DOCK5: variants seen among roughly 807,000 people sequenced by gnomAD.
DOCK5 encodes dedicator of cytokinesis 5.
A neutral mutation model predicts 251.8 loss-of-function variants in DOCK5; 142 were observed. The observed-to-expected ratio is 0.56, with a 90% confidence interval of 0.49 to 0.65. DOCK5 has a LOEUF of 0.65. Ranked by LOEUF, DOCK5 falls within the 30% of genes least tolerant of loss-of-function variation. The pLI is 0.00. For missense variants in DOCK5, 2,111 were observed against 2,312.3 expected (o/e 0.91, Z 1.79); for synonymous variants, 842 against 835.5 (o/e 1.01, Z -0.13).
chr8:25,298,934 C>G lies in DOCK5; in HGVS notation c.607-10C>G, dbSNP rs1384074472. 6.3e-7 allele frequency: 1 copy of G among 1,596,714 alleles called. No individual in the cohort carries two copies. Among genetic ancestry groups the G allele is most frequent in the Non-Finnish European group, 8.5e-7 (1 of 1,173,784 alleles). ...ATCAAGATGTTTTTCTCTGTTCCCT[C>G]TTTGTTCAGTCAATCCTGCAGAACC... On this transcript the variant is annotated splice_polypyrimidine_tract_variant and intron_variant, in intron 7 of 51. Transcript: ENST00000276440.
intron 1 of DOCK5, among the ~76,000 whole-genome samples, chr8:25,187,574 A>ATTG (rs57343593): frequency 0.09 from 13,677 of 151,672 alleles, 1,016 homozygotes; most frequent in African/African-American, 0.19. Context: ...GCTAAAACTC[A>ATTG]TTGTTTTTGT....
chr8:25,368,172 G>C lies in DOCK5; in HGVS notation c.3225-20G>C, dbSNP rs764230537. On this transcript the variant is annotated intron_variant, in intron 31 of 51. Transcript: ENST00000276440. ...ATTTCTACTGAAAATCCTCCTTCTA[G>C]TTTATGATCTTCTTCCTAGATATGG... The C allele has an allele frequency of 3.2e-5, 52 of 1,600,828 alleles. No homozygotes were observed. The highest frequency in any genetic ancestry group is 8.4e-5 in the Admixed American group (5 of 59,206).
At chr8:25,406,109 C>G (rs1801518035) in intron 48 of DOCK5, among the ~76,000 whole-genome samples, 1 of 152,102 alleles carries the variant, frequency 6.6e-6, no homozygotes, top group South Asian at 2.1e-4. Context: ...CAGGCGCCCG[C>G]CACCATGCCC....
At chr8:25,239,331 GTGTGTGTGTA>G (rs1228659699) in intron 1 of DOCK5, among the ~76,000 whole-genome samples, 197 of 129,850 alleles carry the variant, frequency 1.5e-3, no homozygotes, top group African/African-American at 6.3e-3. Context: ...GTGTGTGTGT[GTGTGTGTGTA>G]TGTGTGTGTG....
chr8:25,274,612 C>T (rs1035072464), intron 3 of DOCK5, among the ~76,000 whole-genome samples: 1 of 152,120 alleles, frequency 6.6e-6, no homozygotes, highest in East Asian at 1.9e-4. Context: ...TGTAGAACTG[C>T]CTCTTAGGGA....
intron 5 of DOCK5, among the ~76,000 whole-genome samples, chr8:25,291,301 G>C (rs1401305023): frequency 6.6e-6 from 1 of 152,064 alleles, no homozygotes. Flanking sequence ...GAAATGGCTC[G>C]GGAGAAAGCC....
At chr8:25,409,958 T>C in intron 50 of DOCK5, 141 bp from the exon 51 acceptor site, 1 of 673,936 alleles carries the variant, frequency 1.5e-6, no homozygotes, top group South Asian at 2.0e-5. Flanking sequence ...GTCTTCTTCG[T>C]TCTATCCGCA....
intron 1 of DOCK5, among the ~76,000 whole-genome samples, chr8:25,225,398 T>C (rs543363533): frequency 1.3e-5 from 2 of 152,172 alleles, no homozygotes; most frequent in East Asian, 3.9e-4. Context: ...TACAAAGGAA[T>C]ATTATTCAGC....
intron 1 of DOCK5, among the ~76,000 whole-genome samples, chr8:25,204,213 C>T (rs931054072): frequency 2.0e-5 from 3 of 151,936 alleles, no homozygotes; most frequent in Non-Finnish European, 2.9e-5. Flanking sequence ...ACTTCATAGT[C>T]GATACAACAT....
At chr8:25,354,049 CAAACAAAAAAAAAA>C (rs1563213072) in intron 27 of DOCK5, among the ~76,000 whole-genome samples, 1 of 23,248 alleles carries the variant, frequency 4.3e-5, no homozygotes, top group African/African-American at 1.7e-4. Flanking sequence ...AAAAAAAAAA[CAAACAAAAAAAAAA>C]ACGTAGGAGA....
intron 13 of DOCK5, among the ~76,000 whole-genome samples, chr8:25,312,478 T>C (rs1288515247): frequency 2.6e-5 from 4 of 152,250 alleles, no homozygotes; most frequent in South Asian, 2.1e-4. Context: ...TCATCTAGAA[T>C]ACGGCCAGGC....
At chr8:25,379,536 C>G (rs1801026916) in intron 38 of DOCK5, among the ~76,000 whole-genome samples, 1 of 152,104 alleles carries the variant, frequency 6.6e-6, no homozygotes, top group Non-Finnish European at 1.5e-5. Flanking sequence ...TCAAGGTGCA[C>G]TGATTTCATA....
chr8:25,339,557 G>A (rs780338156), intron 22 of DOCK5, among the ~76,000 whole-genome samples: 13 of 152,182 alleles, frequency 8.5e-5, no homozygotes, highest in Non-Finnish European at 1.5e-4. Flanking sequence ...TGGAGGAGGA[G>A]GTGGTATCAT....
chr8:25,340,845 A>G (rs1354730379), intron 22 of DOCK5, 32 bp from the exon 23 acceptor site: 2 of 1,576,258 alleles, frequency 1.3e-6, no homozygotes, highest in South Asian at 2.3e-5. Flanking sequence ...AACAATGGAA[A>G]GTCCAACTGC....
intron 41 of DOCK5, 66 bp downstream of exon 41, chr8:25,389,298 G>A: frequency 6.4e-7 from 1 of 1,557,908 alleles, no homozygotes; most frequent in Non-Finnish European, 8.7e-7. Flanking sequence ...AGCTAAGCCA[G>A]AGAACATAGG....
intron 1 of DOCK5, among the ~76,000 whole-genome samples, chr8:25,237,111 A>T (rs1208340785): frequency 6.6e-6 from 1 of 152,170 alleles, no homozygotes; most frequent in Non-Finnish European, 1.5e-5. Flanking sequence ...CCATGCCTGT[A>T]ATCTGAGCAC....
intron 3 of DOCK5, among the ~76,000 whole-genome samples, chr8:25,269,595 C>T (rs1803851864): frequency 6.6e-6 from 1 of 152,128 alleles, no homozygotes; most frequent in African/African-American, 2.4e-5. Context: ...GTTCCTTTTG[C>T]CAGTGCCAAA....
chr8:25,381,900 A>T (rs1801074293), intron 39 of DOCK5, among the ~76,000 whole-genome samples: 1 of 152,194 alleles, frequency 6.6e-6, no homozygotes, highest in Non-Finnish European at 1.5e-5. Flanking sequence ...ATGGTAGCAG[A>T]TACTGAAAAA....
At chr8:25,374,778 T>A (rs1800935310) in intron 37 of DOCK5, 124 bp downstream of exon 37, 1 of 1,585,386 alleles carries the variant, frequency 6.3e-7, no homozygotes, top group Non-Finnish European at 8.6e-7. Flanking sequence ...TTATACAAGT[T>A]TTTTTAGTTC....
Sources: allele counts gnomAD v4.1 joint callset (sites outside exome capture counted in the v4.1 genomes callset), GRCh38; gene constraint gnomAD v4.1.1; transcripts MANE v1.5; gene names NCBI Gene and HGNC (gene_info 2026-07-23, HGNC 2026-07-21).